Variants in SOD2 observed in about 807,000 individuals in gnomAD.
SOD2 encodes superoxide dismutase 2.
SOD2 carries 11 observed loss-of-function variants against 27.0 expected under a neutral mutation model. That is an observed-to-expected ratio of 0.41 (90% CI 0.26 to 0.67). The LOEUF (loss-of-function observed/expected upper bound fraction) is 0.67, where lower values mean the gene tolerates loss of function less well. Among genes scored for constraint, SOD2 ranks in the 30% least tolerant of loss-of-function variants. The pLI is 0.34. For synonymous variants in SOD2, 105 were observed against 103.0 expected (o/e 1.02, Z -0.12); for missense variants, 250 against 274.5 (o/e 0.91, Z 0.63).
chr6:159,734,882 A>G (rs1280074846), intron 1 of SOD2, among the ~76,000 whole-genome samples: 1 of 151,860 alleles, frequency 6.6e-6, no homozygotes, highest in Non-Finnish European at 1.5e-5. Context: ...TGTGGTGTTT[A>G]TGTTTATTAC....
intron 1 of SOD2, chr6:159,712,862 A>C: frequency 1.6e-6 from 1 of 626,894 alleles, no homozygotes; most frequent in South Asian, 1.5e-5. Context: ...CTGTAGATTC[A>C]AGAAAAGTTC....
intron 3 of SOD2, among the ~76,000 whole-genome samples, chr6:159,685,377 C>T (rs1464489748): frequency 4.0e-5 from 6 of 151,604 alleles, no homozygotes; most frequent in African/African-American, 7.3e-5. Context: ...CGAGCAGCTG[C>T]GATTACAGGC....
intron 1 of SOD2, among the ~76,000 whole-genome samples, chr6:159,738,795 A>AT (rs1172507486): frequency 6.6e-6 from 1 of 152,004 alleles, no homozygotes; most frequent in Non-Finnish European, 1.5e-5. Context: ...TTTCCTAATG[A>AT]TGATGCCCAT....
At chr6:159,743,996 T>C (rs1387662359) in intron 1 of SOD2, among the ~76,000 whole-genome samples, 3 of 152,130 alleles carry the variant, frequency 2.0e-5, no homozygotes, top group Non-Finnish European at 4.4e-5. Context: ...AAGGCAAAGT[T>C]TTAAGTTTTT....
At chr6:159,696,771 G>A (rs1281478168), upstream of SOD2, among the ~76,000 whole-genome samples, 2 of 152,156 alleles carry the variant, frequency 1.3e-5, no homozygotes, top group Admixed American at 6.5e-5. Flanking sequence ...GCCAGGTGCA[G>A]TGGTTCATGC....
chr6:159,722,920 T>G (rs1778068909), intron 1 of SOD2, among the ~76,000 whole-genome samples: 1 of 152,218 alleles, frequency 6.6e-6, no homozygotes, highest in East Asian at 1.9e-4. Context: ...ACTTGACAGC[T>G]TCCCTACTTT....
chr6:159,671,835 A>T lies in SOD2; in HGVS notation c.*10658T>A, dbSNP rs947527293. On this transcript the variant is annotated 3_prime_UTR_variant, in exon 5 of 5. Transcript: ENST00000538183. The stretch of plus-strand genomic sequence containing the variant: ...TTCGAACCCATCACAAAGAACCTAA[A>T]AACCTTGAAAAAAGATTAGACAAAT... The T allele has an allele frequency of 1.3e-5, 2 of 152,196 alleles. No individual in the cohort carries two copies. Among genetic ancestry groups the T allele is most frequent in the Non-Finnish European group, 2.9e-5 (2 of 68,034 alleles). The allele number at this position is 152,196 out of a possible 1,614,324, so 9.4% of individuals were successfully genotyped here. A position where few individuals can be genotyped will look rare whatever the true frequency, so the allele number is the denominator to read the frequency against.
At chr6:159,726,768 G>C in intron 1 of SOD2, 1 of 1,288,876 alleles carries the variant, frequency 7.8e-7, no homozygotes, top group Non-Finnish European at 1.0e-6. Context: ...GAGATGTCAA[G>C]GAGGAACGAA....
chr6:159,700,729 G>T lies in SOD2; in HGVS notation c.-115-7866C>A, dbSNP rs534009258. Among the ~76,000 whole-genome samples, 9 of 151,872 alleles carry T rather than the reference G, an allele frequency of 5.9e-5. No homozygotes were observed. In the South Asian group the frequency reaches 1.9e-3, roughly 32 times the overall value. ...CAACTCCCATTTTTTTGATGGCATG[G>T]ATAAGACTTAGTCTCTAAGTACTAA... On this transcript the variant is annotated intron_variant, in intron 1 of 2. Transcript: ENST00000401980.
Position 159,688,117 on chromosome 6 carries a change from T to C in SOD2, c.343+9A>G, listed in dbSNP as rs1562421651. 6.8e-7 allele frequency: 1 copy of C among 1,477,740 alleles called. No individual in the cohort carries two copies. The highest frequency in any genetic ancestry group is 2.3e-5 in the East Asian group (1 of 44,260). 91.5% of individuals were successfully genotyped at this position (1,477,740 alleles called of 1,614,324 possible). ...AAATGTAGATAAGGGTGCACCAATA[T>C]ATACCAACCTTTGGGTTCTCCACCA... On this transcript the variant is annotated intron_variant, in intron 3 of 4. Coordinates refer to ENST00000538183, the MANE Select transcript of SOD2 (RefSeq NM_000636.4).
intron 1 of SOD2, among the ~76,000 whole-genome samples, chr6:159,732,886 A>AGTGTGTGTGT (rs67554039): frequency 0.036 from 5,252 of 146,392 alleles, 84 homozygotes; most frequent in African/African-American, 0.042. Flanking sequence ...ATATATATAT[A>AGTGTGTGTGT]GTGTGTGTGT....
intron 1 of SOD2, chr6:159,713,291 T>C (rs576133737): frequency 6.1e-5 from 41 of 670,356 alleles, no homozygotes; most frequent in Admixed American, 2.0e-4. Flanking sequence ...CCCTCCACCA[T>C]AGGGACCCTG....
At chr6:159,709,113 A>T (rs1777681565) in intron 1 of SOD2, among the ~76,000 whole-genome samples, 1 of 152,218 alleles carries the variant, frequency 6.6e-6, no homozygotes, top group Admixed American at 6.5e-5. Context: ...ACAAAAATTA[A>T]TTCAAGATGG....
At chr6:159,760,674 C>T (rs1780104862) in intron 1 of SOD2, 1 of 152,148 alleles carries the variant, frequency 6.6e-6, no homozygotes, top group African/African-American at 2.4e-5. Flanking sequence ...TGATTGATGC[C>T]GTAGGAATGA....
chr6:159,755,765 C>CTTTTTTTTTTTTTTTTTTTTTTTTA, intron 1 of SOD2: 1 of 171,464 alleles, frequency 5.8e-6, no homozygotes, highest in Non-Finnish European at 7.1e-6. Context: ...TTTTTCTTTT[C>CTTTTTTTTTTTTTTTTTTTTTTTTA]TTTTTTTTTT....
At chr6:159,719,744 G>C (rs373246935) in intron 1 of SOD2, among the ~76,000 whole-genome samples, 2 of 47,764 alleles carry the variant, frequency 4.2e-5, no homozygotes, top group East Asian at 5.8e-4. Context: ...TTTTTTTTTT[G>C]AGAGAGTCTT....
intron 2 of SOD2, 132 bp downstream of exon 2, chr6:159,692,529 G>C: frequency 1.3e-6 from 2 of 1,487,612 alleles, no homozygotes; most frequent in South Asian, 2.7e-5. Context: ...AGACTATCGT[G>C]CCTGGAAAAC....
At position 159,723,414 on chromosome 6, in the gene SOD2, C is replaced by A. The variant is rs1778077814; in HGVS notation, c.-116+3715G>T. 3.3e-5 allele frequency among the ~76,000 whole-genome samples: 5 copies of A among 152,232 alleles called. No homozygotes were observed. The South Asian group carries it at 1.0e-3, about 32-fold the overall frequency. ...TGTTTGTTCTCCTAACTACAGTTGG[C>A]ATAGCCTCATTGGTCTAAGCACTTC... is the stretch of plus-strand genomic sequence containing the variant. On this transcript the variant is annotated intron_variant, in intron 1 of 2. Coordinates refer to the SOD2 transcript ENST00000401980.
chr6:159,742,019 A>G (rs1285155575), intron 1 of SOD2: 1 of 1,122,538 alleles, frequency 8.9e-7, no homozygotes, highest in Non-Finnish European at 1.3e-6. Flanking sequence ...GTGAGTTTAT[A>G]GATATCTTCT....
Sources: gnomAD v4.1 joint callset for allele counts (sites outside exome capture counted in the v4.1 genomes callset) on GRCh38, gnomAD v4.1.1 for gene constraint, MANE v1.5 for transcripts, NCBI Gene and HGNC (gene_info 2026-07-23, HGNC 2026-07-21) for gene names.